Variants in GSE1 observed in about 807,000 individuals in gnomAD.
GSE1 encodes the protein Gse1 coiled-coil protein.
In GSE1, 32 loss-of-function variants were observed where a neutral mutation model predicts 112.6. That is an observed-to-expected ratio of 0.28 (90% CI 0.21 to 0.38). GSE1 has a LOEUF of 0.38. GSE1 is among the 10% of genes least tolerant of loss of function. The pLI, the probability that GSE1 is intolerant of heterozygous loss-of-function variation, is 1.00. For missense variants in GSE1, 2,348 were observed against 1,699.2 expected, an observed-to-expected ratio of 1.38 and a Z score of -6.71; for synonymous variants, 1,115 against 735.6, an observed-to-expected ratio of 1.52 and a Z score of -8.35.
Position 85,666,192 on chromosome 16 carries a change from T to C in GSE1, c.2975T>C (p.Ile992Thr), listed in dbSNP as rs904161588. The C allele has an allele frequency of 3.2e-5, 52 of 1,613,400 alleles. No homozygotes were observed. Among genetic ancestry groups the C allele is most frequent in the Non-Finnish European group, 4.4e-5 (52 of 1,180,038 alleles). The change falls in exon 13 of 16, where the codon ATC (isoleucine) becomes ACC (threonine). Residue 992 changes from isoleucine to threonine, a missense_variant. Ile to Thr is a moderately conservative substitution (Grantham distance 89). Transcript: ENST00000253458. ...GKKSLSMLHY[I>T]RGAAPKDIPV... ...AAGAGTCTGAGCATGCTTCACTATA[T>C]CCGGGGCGCTGCACCCAAGGACATT...
chr16:85,588,727 T>C (rs568683190), intron 1 of GSE1, among the ~76,000 whole-genome samples: 2 of 152,174 alleles, frequency 1.3e-5, no homozygotes, highest in African/African-American at 4.8e-5. Flanking sequence ...AAATCTGCCG[T>C]GGCCGTTATT....
chr16:85,313,849 C>A (rs1040994784), intron 1 of GSE1, among the ~76,000 whole-genome samples: 2 of 152,094 alleles, frequency 1.3e-5, no homozygotes, highest in East Asian at 1.9e-4. Flanking sequence ...GTTGGGAGGC[C>A]GGAGGACCCA....
intron 2 of GSE1, among the ~76,000 whole-genome samples, chr16:85,483,421 A>G (rs1194478348): frequency 6.6e-6 from 1 of 152,162 alleles, no homozygotes; most frequent in East Asian, 1.9e-4. Flanking sequence ...CAGTTTCCCC[A>G]CCTGTACCCT....
At chr16:85,478,933 C>T (rs1400046541) in intron 2 of GSE1, among the ~76,000 whole-genome samples, 3 of 74,796 alleles carry the variant, frequency 4.0e-5, no homozygotes, top group Admixed American at 1.5e-4. Context: ...CTTTCTCTTT[C>T]TTTCTTTCTT....
exon 1 of GSE1, chr16:85,556,022 C>T: frequency 1.0e-6 from 1 of 985,040 alleles, no homozygotes; most frequent in Non-Finnish European, 1.2e-6. Flanking sequence ...ACCCGGGCAG[C>T]CGTGGAGGCT....
chr16:85,194,553 G>T (rs535023741), intron 1 of GSE1, among the ~76,000 whole-genome samples: 2 of 152,308 alleles, frequency 1.3e-5, no homozygotes, highest in South Asian at 2.1e-4. Flanking sequence ...GGAGGTGACC[G>T]TGGACCCTTA....
chr16:85,577,831 T>C (rs60702099), intron 1 of GSE1, among the ~76,000 whole-genome samples: 19,370 of 152,102 alleles, frequency 0.13, 2,992 homozygotes, highest in African/African-American at 0.36. Flanking sequence ...CCTTTTCCAC[T>C]CCAGTCCTCC....
In GSE1 at chr16:85,419,085, C is replaced by T. The variant is rs1044780265; in HGVS notation, c.2464+61442C>T. Among the ~76,000 whole-genome samples, 1 of 152,162 alleles carries T rather than the reference C, an allele frequency of 6.6e-6. No individual in the cohort carries two copies. Among genetic ancestry groups the T allele is most frequent in the South Asian group, 2.1e-4 (1 of 4,804 alleles). ...GTCTGGAGCTATGAATGTGGGCGTCCCAGCGCACAGATGGCGTGTAAAGCT... is the reference window on the plus strand; with the variant it reads ...GTCTGGAGCTATGAATGTGGGCGTCTCAGCGCACAGATGGCGTGTAAAGCT... On this transcript the variant is annotated intron_variant, in intron 2 of 2. Transcript: ENST00000637419. The surrounding 1 kb of genome is among the most constrained non-coding windows in gnomAD (Gnocchi z 6.5).
At chr16:85,293,326 A>G (rs560917675) in intron 1 of GSE1, among the ~76,000 whole-genome samples, 6 of 152,224 alleles carry the variant, frequency 3.9e-5, no homozygotes, top group Non-Finnish European at 7.4e-5. Context: ...CGGGTGCATC[A>G]CTTGAACTCA....
chr16:85,526,340 G>A (rs537791735), intron 2 of GSE1, among the ~76,000 whole-genome samples: 9 of 152,240 alleles, frequency 5.9e-5, no homozygotes, highest in Non-Finnish European at 8.8e-5. Context: ...GACCCAGGCC[G>A]CTGTGCCACT....
intron 1 of GSE1, among the ~76,000 whole-genome samples, chr16:85,226,518 G>T (rs551949600): frequency 6.6e-6 from 1 of 152,220 alleles, no homozygotes; most frequent in Non-Finnish European, 1.5e-5. Context: ...GATGGCCTTG[G>T]TCGGAGTCCT....
chr16:85,205,923 G>A (rs187658216), intron 1 of GSE1, among the ~76,000 whole-genome samples: 35 of 152,336 alleles, frequency 2.3e-4, no homozygotes, highest in African/African-American at 7.5e-4. Flanking sequence ...AGACAGAAAC[G>A]TGGTGTGCAA....
At chr16:85,486,582 C>T (rs971453171) in intron 2 of GSE1, among the ~76,000 whole-genome samples, 2 of 152,238 alleles carry the variant, frequency 1.3e-5, no homozygotes, top group African/African-American at 2.4e-5. Flanking sequence ...GAACCGTCCA[C>T]GGCTCCTGTG....
chr16:85,612,280 G>A (rs1326326999), upstream of GSE1, among the ~76,000 whole-genome samples: 2 of 152,022 alleles, frequency 1.3e-5, no homozygotes, highest in African/African-American at 4.8e-5. Context: ...CGGAGCCGGG[G>A]GGTGGGAAGG....
chr16:85,251,542 C>T (rs1484128187), intron 1 of GSE1, among the ~76,000 whole-genome samples: 3 of 152,222 alleles, frequency 2.0e-5, no homozygotes, highest in Admixed American at 2.0e-4. Flanking sequence ...CCGCCTGACC[C>T]AGAAACCAGA....
At chr16:85,665,585 TTCC>T (rs1567758538) in intron 12 of GSE1, among the ~76,000 whole-genome samples, 1 of 127,292 alleles carries the variant, frequency 7.9e-6, no homozygotes, top group African/African-American at 2.5e-5. Context: ...CGCCACACCT[TTCC>T]TCCTCTTACA....
At chr16:85,656,021 C>T (rs1016760477) in intron 6 of GSE1, 104 bp downstream of exon 6, 19 of 888,196 alleles carry the variant, frequency 2.1e-5, no homozygotes, top group Non-Finnish European at 2.9e-5. Context: ...TTGGCCATGC[C>T]TGTCCTCACA....
intron 1 of GSE1, among the ~76,000 whole-genome samples, chr16:85,341,551 G>A (rs563473459): frequency 9.2e-5 from 14 of 152,056 alleles, no homozygotes; most frequent in Non-Finnish European, 2.1e-4. Context: ...CCAGCTACAC[G>A]GGAGGCTGAG....
chr16:85,555,526 T>G (rs955560158), upstream of GSE1: 2 of 984,374 alleles, frequency 2.0e-6, no homozygotes, highest in Non-Finnish European at 2.4e-6. Context: ...CGGTACTTCT[T>G]GGCTGTTTGG....
Sources: gnomAD v4.1 joint callset for allele counts (sites outside exome capture counted in the v4.1 genomes callset) on GRCh38, gnomAD v4.1.1 for gene constraint, Gnocchi (gnomAD v3.1) non-coding constraint, MANE v1.5 for transcripts, NCBI Gene and HGNC (gene_info 2026-07-23, HGNC 2026-07-21) for gene names.